The following VPS13C variants were observed in gnomAD, a reference collection of about 807,000 sequenced individuals.
The protein encoded by VPS13C is vacuolar protein sorting 13 homolog C.
In VPS13C, 358 loss-of-function variants were observed where a neutral mutation model predicts 456.8. The observed-to-expected ratio is 0.78, with a 90% CI of 0.72 to 0.86. The LOEUF (loss-of-function observed/expected upper bound fraction) is 0.86. VPS13C is among the 40% of genes least tolerant of loss of function. The pLI is 0.00. For synonymous variants in VPS13C, 1,578 were observed against 1,486.7 expected, an observed-to-expected ratio of 1.06 and a Z score of -1.41; for missense variants, 4,818 against 4,385.4, an observed-to-expected ratio of 1.10 and a Z score of -2.79.
intron 1 of VPS13C, among the ~76,000 whole-genome samples, chr15:62,048,883 T>C (rs1008390251): frequency 2.6e-5 from 4 of 152,228 alleles, no homozygotes; most frequent in African/African-American, 9.6e-5. Context: ...CATGTGTCTT[T>C]GGCTGCATAA....
In VPS13C at chr15:61,984,880, C is replaced by G; in HGVS notation, c.1698G>C (p.Gln566His). Reference protein sequence around the residue: ...QIIGLGTQVSQRPGAQALKVE... With the variant: ...QIIGLGTQVSHRPGAQALKVE... ...ACTTAAGTGCTTGTGCTCCTGGTCG[C>G]TGAGATACTTGAGTGCCCAGGCCAA... Residue 566 changes from glutamine to histidine, a missense_variant, in exon 19 of 85, where the codon CAG becomes CAC. Around this residue, in one of 3 missense-constraint regions of VPS13C, gnomAD observed 4,552 missense variants for 4,130.6 expected, o/e 1.10. Transcript: ENST00000644861. The G allele has an allele frequency of 6.2e-7, 1 of 1,613,214 alleles. No individual in the cohort carries two copies. The highest frequency in any genetic ancestry group is 8.5e-7 in the Non-Finnish European group (1 of 1,179,768).
At position 61,961,442 on chromosome 15, in the gene VPS13C, C is replaced by G; in HGVS notation, c.3908+147G>C. The G allele has an allele frequency of 9.0e-6, 5 of 557,276 alleles. No individual in the cohort carries two copies. In the East Asian group the frequency reaches 1.4e-4, roughly 15 times the overall value. The allele number at this position is 557,276 out of a possible 1,614,324, so 34.5% of individuals were successfully genotyped here. Reference sequence around the variant, plus strand: ...ACACACACACACACACACACACACACAAAACAATGACAACAATAAAAAAAA... The same window carrying G: ...ACACACACACACACACACACACACAGAAAACAATGACAACAATAAAAAAAA... On this transcript the variant is annotated intron_variant, in intron 35 of 84. Transcript: ENST00000644861.
In VPS13C at chr15:61,854,167, C is replaced by A. The variant is rs1294706461; in HGVS notation, c.*290G>T. 4.7e-6 allele frequency: 2 copies of A among 424,192 alleles called. No homozygotes were observed. The highest frequency in any genetic ancestry group is 8.5e-6 in the Non-Finnish European group (2 of 234,410). The allele number at this position is 424,192 out of a possible 1,614,324, so 26.3% of individuals were successfully genotyped here. On this transcript the variant is annotated 3_prime_UTR_variant, in exon 85 of 85. Coordinates refer to ENST00000644861, the MANE Select transcript of VPS13C (RefSeq NM_020821.3). ...AATATAAGCCTATTGACCTTTGCTT[C>A]ACAATTTTAATATTAATGAAAATTT...
At chr15:62,040,781 A>G (rs17271305) in intron 3 of VPS13C, among the ~76,000 whole-genome samples, 47,037 of 152,036 alleles carry the variant, frequency 0.31, 8,505 homozygotes, top group Non-Finnish European at 0.39. Context: ...AAGACTTTGT[A>G]GATTAAATTT....
intron 64 of VPS13C, among the ~76,000 whole-genome samples, 185 bp from the exon 65 acceptor site, chr15:61,909,310 C>A (rs1174546597): frequency 6.6e-6 from 1 of 152,180 alleles, no homozygotes; most frequent in African/African-American, 2.4e-5. Context: ...CAGGTTCAAC[C>A]AATTCTCCTG....
intron 3 of VPS13C, among the ~76,000 whole-genome samples, chr15:62,041,011 T>C (rs141692253): frequency 6.6e-6 from 1 of 152,106 alleles, no homozygotes; most frequent in Non-Finnish European, 1.5e-5. Flanking sequence ...ACTTTCACAT[T>C]TAAAGAAAAA....
At chr15:61,910,625 C>A (rs1301243960) in intron 63 of VPS13C, among the ~76,000 whole-genome samples, 2 of 151,938 alleles carry the variant, frequency 1.3e-5, no homozygotes, top group Admixed American at 1.3e-4. Flanking sequence ...TAAAAATTAT[C>A]ATTTGCTTTT....
chr15:61,999,106 C>A (rs182306456), intron 16 of VPS13C, among the ~76,000 whole-genome samples: 2 of 152,078 alleles, frequency 1.3e-5, no homozygotes, highest in Non-Finnish European at 2.9e-5. Context: ...AGGCCAGGCA[C>A]GGTGGCTCAT....
At chr15:61,888,404 A>G (rs1896423209) in intron 67 of VPS13C, among the ~76,000 whole-genome samples, 1 of 151,986 alleles carries the variant, frequency 6.6e-6, no homozygotes, top group Non-Finnish European at 1.5e-5. Context: ...GAATGTTTAT[A>G]ACAGCTTTAT....
At chr15:61,872,167 T>G in intron 78 of VPS13C, 133 bp from the exon 79 acceptor site, 1 of 656,552 alleles carries the variant, frequency 1.5e-6, no homozygotes, top group South Asian at 2.1e-5. Flanking sequence ...AACTTGATAA[T>G]GTGAACAACA....
rs2047063197 is a variant in VPS13C at position 62,012,146 on chromosome 15, T to A, written c.844A>T (p.Ile282Phe). The A allele has an allele frequency of 6.5e-7, 1 of 1,550,226 alleles. No homozygotes were observed. The highest frequency in any genetic ancestry group is 1.4e-5 in the African/African-American group (1 of 73,308). The change falls in exon 12 of 85, where the codon ATT becomes TTT. Residue 282 changes from isoleucine (I) to phenylalanine (F), a missense_variant. This residue lies in a region of VPS13C where 4,552 missense variants were observed against 4,130.6 expected (regional missense o/e 1.10). Transcript: ENST00000644861. ...EQILDQLKNE[I>F]LTSGNIPPNY... ...GGGGGTATATTTCCACTTGTAAGAATTTCATTTTTCAGCTGATCCTAAACA... is the reference window on the plus strand; with the variant it reads ...GGGGGTATATTTCCACTTGTAAGAAATTCATTTTTCAGCTGATCCTAAACA...
At chr15:61,968,365 G>T (rs1276251108) in intron 28 of VPS13C, among the ~76,000 whole-genome samples, 1 of 152,012 alleles carries the variant, frequency 6.6e-6, no homozygotes, top group Admixed American at 6.6e-5. Context: ...AATGTATTAG[G>T]TATTAGAAGT....
At position 62,034,977 on chromosome 15, in the gene VPS13C, AG is replaced by A. The variant is rs776139298; in HGVS notation, c.262del (p.Leu88CysfsTer14). On this transcript the variant is annotated frameshift_variant, in exon 4 of 85. Transcript: ENST00000644861. LOFTEE classifies it high-confidence loss of function. ...CATACTTGCTCCAGGGACAACAAGC[AG>A]GTATAATCCTTCCAGGGTCGCAACA... ...AVVATLEGLY[L>X]LVVPGASIKY... is the part of the protein sequence containing the mutation. The A allele has an allele frequency of 1.9e-6, 3 of 1,591,650 alleles. No individual in the cohort carries two copies. The highest frequency in any genetic ancestry group is 2.6e-6 in the Non-Finnish European group (3 of 1,167,936).
intron 39 of VPS13C, among the ~76,000 whole-genome samples, chr15:61,951,288 C>G (rs2044783529): frequency 6.6e-6 from 1 of 151,976 alleles, no homozygotes; most frequent in Non-Finnish European, 1.5e-5. Context: ...CTCATCTAAA[C>G]AAATCATGGT....
At chr15:61,982,661 CTG>C in intron 20 of VPS13C, 88 bp from the exon 21 acceptor site, 1 of 874,972 alleles carries the variant, frequency 1.1e-6, no homozygotes. Flanking sequence ...TTCTAAACAG[CTG>C]TAGCTTTGAA....
In VPS13C at chr15:61,859,836, GT is replaced by G. The variant is rs376642371; in HGVS notation, c.10953-3428del. ...TCCCTGTATTTGTCATATGTTGATG[GT>G]TTTTTTTTTTAAAGTCTGCTCAATA... is the stretch of plus-strand genomic sequence containing the variant. On this transcript the variant is annotated intron_variant, in intron 82 of 84. Coordinates refer to ENST00000644861, the MANE Select transcript of VPS13C (RefSeq NM_020821.3). Among the ~76,000 whole-genome samples, 616 of 146,412 alleles carry G rather than the reference GT, an allele frequency of 4.2e-3. 7 individuals carry two copies. The highest frequency in any genetic ancestry group is 0.014 in the African/African-American group (546 of 40,180).
chr15:61,968,247 T>G (rs2045439626), intron 28 of VPS13C, among the ~76,000 whole-genome samples: 1 of 151,814 alleles, frequency 6.6e-6, no homozygotes. Flanking sequence ...CAACCCATAG[T>G]ATAAACCAAC....
intron 1 of VPS13C, among the ~76,000 whole-genome samples, chr15:62,050,671 A>T (rs1338950346): frequency 6.6e-6 from 1 of 152,096 alleles, no homozygotes; most frequent in Non-Finnish European, 1.5e-5. Context: ...GCATGGTGGC[A>T]GGTGCCTGTC....
At chr15:61,947,546 C>A (rs1022898333) in intron 42 of VPS13C, among the ~76,000 whole-genome samples, 4 of 151,598 alleles carry the variant, frequency 2.6e-5, no homozygotes, top group African/African-American at 9.7e-5. Flanking sequence ...TTAATAGCAC[C>A]TTGAAAGTGC....
Sources: gnomAD v4.1 joint callset for allele counts (sites outside exome capture counted in the v4.1 genomes callset) on GRCh38, gnomAD v4.1.1 for gene constraint, gnomAD v4.1.1 regional missense constraint, MANE v1.5 for transcripts, NCBI Gene and HGNC (gene_info 2026-07-23, HGNC 2026-07-21) for gene names.